NTM: variants seen among roughly 807,000 people sequenced by gnomAD.
The protein encoded by NTM is IgLON family member 2.
NTM carries 13 observed loss-of-function variants against 42.1 expected under a neutral mutation model. The observed-to-expected ratio is 0.31, with a 90% CI of 0.20 to 0.49. The LOEUF (loss-of-function observed/expected upper bound fraction) is 0.49, where lower values mean the gene tolerates loss of function less well. NTM is among the 20% of genes least tolerant of loss of function. The pLI is 0.99. For synonymous variants in NTM, 187 were observed against 179.2 expected, an observed-to-expected ratio of 1.04 and a Z score of -0.35; for missense variants, 373 against 452.8, an observed-to-expected ratio of 0.82 and a Z score of 1.60.
At chr11:131,845,682 G>T (rs997293900) in intron 1 of NTM, among the ~76,000 whole-genome samples, 1 of 148,092 alleles carries the variant, frequency 6.8e-6, no homozygotes, top group Non-Finnish European at 1.5e-5. Flanking sequence ...TAAAATTCCT[G>T]TCATTAAAAA....
In NTM at chr11:131,892,599, C is replaced by T. The variant is rs539975939; in HGVS notation, c.83-18965C>T. 3.9e-5 allele frequency among the ~76,000 whole-genome samples: 6 copies of T among 152,312 alleles called. No homozygotes were observed. In the East Asian group the frequency reaches 5.8e-4, roughly 15 times the overall value. On this transcript the variant is annotated intron_variant, in intron 1 of 8. Transcript: ENST00000683400. The stretch of plus-strand genomic sequence containing the variant: ...TCTAATGAGCATTTGACTGCATTGT[C>T]GGCATGGTGCGGGATGGCCACATGC...
chr11:131,381,713 T>A (rs1018112476), intron 1 of NTM, among the ~76,000 whole-genome samples: 4 of 152,340 alleles, frequency 2.6e-5, no homozygotes, highest in South Asian at 4.1e-4. Context: ...TGTTGATTAA[T>A]TCCTGCTCAA....
At chr11:131,799,708 C>T (rs1478304141) in intron 1 of NTM, among the ~76,000 whole-genome samples, 4 of 152,064 alleles carry the variant, frequency 2.6e-5, no homozygotes, top group Non-Finnish European at 5.9e-5. Context: ...GACTGTCTTC[C>T]CCAGGAGGGG....
At chr11:131,452,104 C>T (rs1208344186) in intron 1 of NTM, among the ~76,000 whole-genome samples, 1 of 152,210 alleles carries the variant, frequency 6.6e-6, no homozygotes, top group Non-Finnish European at 1.5e-5. Context: ...GCACAGCTTC[C>T]TCGAAAAGAA....
At chr11:131,748,333 A>G (rs377473795) in intron 1 of NTM, among the ~76,000 whole-genome samples, 1 of 152,234 alleles carries the variant, frequency 6.6e-6, no homozygotes, top group East Asian at 1.9e-4. Flanking sequence ...GCAGAGCAGC[A>G]GATAATTCTG....
intron 4 of NTM, among the ~76,000 whole-genome samples, chr11:132,264,258 T>C (rs2093042995): frequency 6.6e-6 from 1 of 152,222 alleles, no homozygotes; most frequent in Non-Finnish European, 1.5e-5. Flanking sequence ...CTATTGTGCA[T>C]ATTTTTTCAT....
Position 131,735,835 on chromosome 11 carries a change from GGTGTGTGT to G in NTM, c.83-175696_83-175689del, listed in dbSNP as rs398018112. On this transcript the variant is annotated intron_variant, in intron 1 of 8. Transcript: ENST00000683400. ...CCGTTCCTTAGATTTCCATTCATAAGGTGTGTGTGTGTGTGTGTGTGTGTGTGTGTGTG... is the reference window on the plus strand; with the variant it reads ...CCGTTCCTTAGATTTCCATTCATAAGGTGTGTGTGTGTGTGTGTGTGTGTG... Among the ~76,000 whole-genome samples, 1,160 of 121,362 alleles carry G rather than the reference GGTGTGTGT, an allele frequency of 9.6e-3. 15 individuals carry two copies. Among genetic ancestry groups the G allele is most frequent in the African/African-American group, 0.029 (1,076 of 37,496 alleles). The allele number at this position is 121,362 out of a possible 152,430, so 79.6% of individuals were successfully genotyped here.
intron 1 of NTM, among the ~76,000 whole-genome samples, chr11:131,676,895 C>T (rs76681958): frequency 0.032 from 4,859 of 152,302 alleles, 261 homozygotes; most frequent in African/African-American, 0.11. Flanking sequence ...ATTACAGTCG[C>T]CTCACGACGG....
At chr11:131,506,400 T>G (rs966143410) in intron 1 of NTM, among the ~76,000 whole-genome samples, 1 of 152,200 alleles carries the variant, frequency 6.6e-6, no homozygotes, top group Non-Finnish European at 1.5e-5. Flanking sequence ...TATTTCTCCA[T>G]CGGGAGCACT....
chr11:132,201,543 A>G (rs1173087756), intron 3 of NTM, among the ~76,000 whole-genome samples: 1 of 152,216 alleles, frequency 6.6e-6, no homozygotes, highest in Non-Finnish European at 1.5e-5. Context: ...ATTCCTGGTG[A>G]GAAGAAATTA....
intron 2 of NTM, among the ~76,000 whole-genome samples, chr11:132,090,170 A>G (rs1332883103): frequency 1.3e-5 from 2 of 152,218 alleles, no homozygotes; most frequent in Admixed American, 1.3e-4. Context: ...ACTATAAACC[A>G]GGTATTCTGA....
In NTM at chr11:132,335,026, C is replaced by G; in HGVS notation, c.968-20C>G. 1 of 1,608,458 alleles carries G rather than the reference C, an allele frequency of 6.2e-7. No individual in the cohort carries two copies. Among genetic ancestry groups the G allele is most frequent in the Non-Finnish European group, 8.5e-7 (1 of 1,178,130 alleles). On this transcript the variant is annotated intron_variant, in intron 8 of 8. Transcript: ENST00000683400. The stretch of plus-strand genomic sequence containing the variant: ...CCATTTTCTCCCAGACCACTCACGG[C>G]GAGTGTGTTCTCTCCACAGGTCCAG...
chr11:131,419,383 A>G (rs1026908688), intron 1 of NTM, among the ~76,000 whole-genome samples: 5 of 152,216 alleles, frequency 3.3e-5, no homozygotes, highest in Non-Finnish European at 2.9e-5. Flanking sequence ...ATAACGGAGA[A>G]TAAGACAGGG....
intron 1 of NTM, among the ~76,000 whole-genome samples, chr11:131,822,041 C>T (rs1592094100): frequency 6.6e-6 from 1 of 152,172 alleles, no homozygotes; most frequent in East Asian, 1.9e-4. Context: ...AGTCGAAACA[C>T]TTTTAGAGCT....
chr11:131,936,342 C>T (rs760305381), intron 2 of NTM, among the ~76,000 whole-genome samples: 1 of 152,072 alleles, frequency 6.6e-6, no homozygotes, highest in Non-Finnish European at 1.5e-5. Flanking sequence ...GTCTTTTGTC[C>T]GTCCTAAATT....
chr11:131,801,245 T>C (rs1216013743), intron 1 of NTM, among the ~76,000 whole-genome samples: 2 of 152,178 alleles, frequency 1.3e-5, no homozygotes, highest in African/African-American at 2.4e-5. Flanking sequence ...ACAGCAGATA[T>C]GGGTAGAATG....
At chr11:131,460,160 C>T (rs1286726249) in intron 1 of NTM, among the ~76,000 whole-genome samples, 1 of 152,090 alleles carries the variant, frequency 6.6e-6, no homozygotes, top group African/African-American at 2.4e-5. Context: ...GATTCATAGA[C>T]AGCGTAATGC....
At chr11:132,081,676 G>A (rs186568461) in intron 2 of NTM, among the ~76,000 whole-genome samples, 10 of 151,032 alleles carry the variant, frequency 6.6e-5, no homozygotes, top group African/African-American at 2.4e-4. Context: ...AGCTTGCAGT[G>A]AGCCGAGATT....
intron 2 of NTM, among the ~76,000 whole-genome samples, chr11:132,124,816 C>T (rs1288594504): frequency 2.0e-5 from 3 of 151,990 alleles, no homozygotes; most frequent in South Asian, 2.1e-4. Flanking sequence ...CCTGTCTCTA[C>T]AAAAACAAAA....
Sources: gnomAD v4.1 joint callset for allele counts (sites outside exome capture counted in the v4.1 genomes callset) on GRCh38, gnomAD v4.1.1 for gene constraint, MANE v1.5 for transcripts, NCBI Gene and HGNC (gene_info 2026-07-23, HGNC 2026-07-21) for gene names.